Variants in SYT13 observed in about 807,000 individuals in gnomAD.
SYT13 encodes the protein synaptotagmin 13.
Under a neutral mutation model 38.6 loss-of-function variants are expected in SYT13, and 21 were observed. The observed-to-expected ratio is 0.54, with a 90% CI of 0.39 to 0.78. The LOEUF is 0.78. Ranked by LOEUF, SYT13 falls within the 30% of genes least tolerant of loss-of-function variation. The pLI is 0.00. For missense variants in SYT13, 495 were observed against 548.7 expected (o/e 0.90, Z 0.98); for synonymous variants, 241 against 237.6 (o/e 1.01, Z -0.13).
rs747877607 is a variant in SYT13, at chr11:45,252,631, T to C, written c.636A>G (p.Leu212=). Residue 212 remains leucine, a synonymous_variant, in exon 4 of 6, where the codon CTA becomes CTG. Transcript: ENST00000020926. This position sits in a 1 kb window ranked among gnomAD's most constrained non-coding sequence, Gnocchi z 4.3. ...RTGSVEAQTA[L]KKRQLHTTWE... The stretch of plus-strand genomic sequence containing the variant: ...AGGTGGTGTGCAGCTGCCGCTTCTT[T>C]AGGGCTGTCTGAGCCTCCACAGAGC... The C allele has an allele frequency of 6.2e-6, 10 of 1,614,052 alleles. No individual in the cohort carries two copies. The highest frequency in any genetic ancestry group is 2.2e-5 in the East Asian group (1 of 44,862).
chr11:45,251,719 T>C (rs1035249168), intron 4 of SYT13, among the ~76,000 whole-genome samples: 6 of 152,206 alleles, frequency 3.9e-5, no homozygotes, highest in African/African-American at 1.4e-4. Context: ...TCCCCAAGGG[T>C]CCCCTCTCTT....
chr11:45,241,519 C>CG lies in SYT13; in HGVS notation c.*2532_*2533insC, dbSNP rs963698716. The CG allele has an allele frequency of 5.7e-5, 8 of 141,298 alleles. No individual in the cohort carries two copies. The highest frequency in any genetic ancestry group is 1.3e-4 in the African/African-American group (5 of 39,070). The allele number at this position is 141,298 out of a possible 1,614,324, so 8.8% of individuals were successfully genotyped here. On this transcript the variant is annotated 3_prime_UTR_variant, in exon 6 of 6. Coordinates refer to ENST00000020926, the MANE Select transcript of SYT13 (RefSeq NM_020826.3). Reference sequence around the variant, plus strand: ...GAGATCCCTCCCCCGCCCCGCCCCCCCAAAAAAAAGAAGAAGAAGAATGAA... The same window carrying CG: ...GAGATCCCTCCCCCGCCCCGCCCCCCGCAAAAAAAAGAAGAAGAAGAATGAA...
chr11:45,285,940 AC>A (rs760476057), intron 1 of SYT13, 84 bp downstream of exon 1: 16 of 1,527,206 alleles, frequency 1.0e-5, no homozygotes, highest in Non-Finnish European at 1.2e-5. Flanking sequence ...AAGATCCACG[AC>A]CGCCTCCCAC....
Position 45,240,313 on chromosome 11 carries a change from A to G in SYT13, c.*3739T>C, listed in dbSNP as rs890186528. On this transcript the variant is annotated 3_prime_UTR_variant, in exon 6 of 6. Transcript: ENST00000020926. Reference sequence around the variant, plus strand: ...CACCAGGCAGCTGACCCTGTTGGAAATTTTTTATTTACCACTGCAAGGTTT... The same window carrying G: ...CACCAGGCAGCTGACCCTGTTGGAAGTTTTTTATTTACCACTGCAAGGTTT... The G allele has an allele frequency of 1.3e-5, 2 of 152,628 alleles. No individual in the cohort carries two copies. Among genetic ancestry groups the G allele is most frequent in the Admixed American group, 6.5e-5 (1 of 15,280 alleles). 9.5% of individuals were successfully genotyped at this position (152,628 alleles called of 1,614,324 possible).
rs75871176 is a variant in SYT13 at position 45,251,011 on chromosome 11, T to C, written c.846+1410A>G. Among the ~76,000 whole-genome samples, 1,387 of 152,188 alleles carry C rather than the reference T, an allele frequency of 9.1e-3. 11 individuals carry two copies. Among genetic ancestry groups the C allele is most frequent in the Non-Finnish European group, 0.012 (834 of 68,002 alleles). On this transcript the variant is annotated intron_variant, in intron 4 of 5. Transcript: ENST00000020926. ...TCCTCATCTGTAAGAGGGATAGTCATGGTGTCTCTCTCATCTGGTTGATTT... is the reference window on the plus strand; with the variant it reads ...TCCTCATCTGTAAGAGGGATAGTCACGGTGTCTCTCTCATCTGGTTGATTT...
Position 45,286,027 on chromosome 11 carries a change from G to A in SYT13, c.181C>T (p.Gln61Ter). 1 of 1,607,260 alleles carries A rather than the reference G, an allele frequency of 6.2e-7. No individual in the cohort carries two copies. Among genetic ancestry groups the A allele is most frequent in the Non-Finnish European group, 8.5e-7 (1 of 1,179,494 alleles). The change falls in exon 1 of 6, where the codon CAG becomes TAG. Residue 61 changes from glutamine (Q) to a stop codon, truncating the protein, a stop_gained and splice_region_variant. Transcript: ENST00000020926. LOFTEE classifies it high-confidence loss of function. ...AKPSLLGSAQ[Q>*]FNVKKSTEPV... ...GCCTGCGCGCCGCCCCCGCTCACCTGTTGTGCAGACCCGAGCAAGCTGGGC... is the reference window on the plus strand; with the variant it reads ...GCCTGCGCGCCGCCCCCGCTCACCTATTGTGCAGACCCGAGCAAGCTGGGC...
At chr11:45,284,980 G>A (rs6485607) in intron 1 of SYT13, among the ~76,000 whole-genome samples, 91,550 of 152,020 alleles carry the variant, frequency 0.6, 28,690 homozygotes, top group East Asian at 0.74. Context: ...CTGAGCTTTT[G>A]AATTATTGAT....
chr11:45,264,442 T>G (rs983702003), intron 1 of SYT13, among the ~76,000 whole-genome samples: 5 of 152,208 alleles, frequency 3.3e-5, no homozygotes, highest in Non-Finnish European at 5.9e-5. Context: ...TAAAACACAC[T>G]GCAATGTTGA....
intron 5 of SYT13, 131 bp from the exon 6 acceptor site, chr11:45,244,487 C>T: frequency 9.1e-7 from 1 of 1,096,068 alleles, no homozygotes. Flanking sequence ...CATCTGTGCC[C>T]CATATACCCA....
intron 2 of SYT13, chr11:45,254,687 A>T (rs1854721100): frequency 6.2e-6 from 2 of 324,568 alleles, no homozygotes; most frequent in Non-Finnish European, 1.1e-5. Flanking sequence ...TAAAACGCCT[A>T]CATATTCTTT....
intron 5 of SYT13, among the ~76,000 whole-genome samples, chr11:45,245,607 A>G (rs968274424): frequency 1.3e-5 from 2 of 152,338 alleles, no homozygotes; most frequent in African/African-American, 4.8e-5. Flanking sequence ...ATATCTTGCT[A>G]GGCGCATGTG....
At chr11:45,263,269 C>T (rs187829717) in intron 1 of SYT13, among the ~76,000 whole-genome samples, 59 of 152,326 alleles carry the variant, frequency 3.9e-4, no homozygotes, top group Non-Finnish European at 6.8e-4. Flanking sequence ...TGCTGTCCTT[C>T]CCTTATGGGG....
intron 1 of SYT13, among the ~76,000 whole-genome samples, chr11:45,270,581 A>G (rs755999148): frequency 1.7e-4 from 26 of 152,228 alleles, no homozygotes; most frequent in Non-Finnish European, 2.9e-5. Context: ...AAATTGATTA[A>G]CATATATTCA....
Position 45,243,103 on chromosome 11 carries a change from T to A in SYT13, c.*949A>T, listed in dbSNP as rs1854571103. ...TTTGGTGATGCTGGTGGGTGTGACA[T>A]CTAGCAATCAGAACCCAGCCAATGA... is the stretch of plus-strand genomic sequence containing the variant. On this transcript the variant is annotated 3_prime_UTR_variant, in exon 6 of 6. Transcript: ENST00000020926. 6.6e-6 allele frequency: 1 copy of A among 152,136 alleles called. No homozygotes were observed. The highest frequency in any genetic ancestry group is 1.5e-5 in the Non-Finnish European group (1 of 68,030). The allele number at this position is 152,136 out of a possible 1,614,324, so 9.4% of individuals were successfully genotyped here. A position where few individuals can be genotyped will look rare whatever the true frequency, so the allele number is the denominator to read the frequency against.
At chr11:45,285,915 A>G (rs1471285549) in intron 1 of SYT13, 110 bp downstream of exon 1, 2 of 1,182,714 alleles carry the variant, frequency 1.7e-6, no homozygotes, top group African/African-American at 4.0e-5. Context: ...CCTCCCCGCC[A>G]AGCTTTGTCG....
At chr11:45,277,724 C>CA (rs1855026503) in intron 1 of SYT13, among the ~76,000 whole-genome samples, 1 of 152,176 alleles carries the variant, frequency 6.6e-6, no homozygotes, top group South Asian at 2.1e-4. Flanking sequence ...AGATCTTCTC[C>CA]AACTCTAGCT....
rs200102270 is a variant in SYT13, at chr11:45,252,564, G to A, written c.703C>T (p.Pro235Ser). The A allele has an allele frequency of 5.3e-5, 85 of 1,614,098 alleles. 1 individual carries two copies. In the East Asian group the frequency reaches 8.5e-4, roughly 16 times the overall value. ...AAGGTCAGCGTCAGGGTGGCTGTGGGGAGCTCCTCCTCCGCCAGGGGGAGC... is the reference window on the plus strand; with the variant it reads ...AAGGTCAGCGTCAGGGTGGCTGTGGAGAGCTCCTCCTCCGCCAGGGGGAGC... ...LVLPLAEEEL[P>S]TATLTLTLRT... Residue 235 changes from proline to serine, a missense_variant, in exon 4 of 6, where the codon CCC becomes TCC. Physicochemically the swap from Pro to Ser is moderately conservative, Grantham distance 74 (BLOSUM62 -1). Transcript: ENST00000020926. The surrounding 1 kb of genome is among the most constrained non-coding windows in gnomAD (Gnocchi z 4.3).
At chr11:45,264,124 A>G (rs77800396) in intron 1 of SYT13, among the ~76,000 whole-genome samples, 2,017 of 152,282 alleles carry the variant, frequency 0.013, 42 homozygotes, top group African/African-American at 0.046. Context: ...GAGTGTGAGC[A>G]TTACAACAAA....
intron 4 of SYT13, among the ~76,000 whole-genome samples, chr11:45,249,552 G>A (rs1028531488): frequency 2.5e-4 from 38 of 152,156 alleles, no homozygotes; most frequent in Admixed American, 2.3e-3. Flanking sequence ...TATACAGCAC[G>A]GAATACTATG....
Sources: gnomAD v4.1 joint callset for allele counts (sites outside exome capture counted in the v4.1 genomes callset) on GRCh38, gnomAD v4.1.1 for gene constraint, Gnocchi (gnomAD v3.1) non-coding constraint, MANE v1.5 for transcripts, NCBI Gene and HGNC (gene_info 2026-07-23, HGNC 2026-07-21) for gene names.